Variants in EPS8 observed in about 807,000 individuals in gnomAD.
EPS8 encodes the protein EGFR pathway substrate 8, signaling adaptor.
In EPS8, 42 loss-of-function variants were observed where a neutral mutation model predicts 103.8. The observed-to-expected ratio is 0.40, with a 90% CI of 0.32 to 0.52. The LOEUF (loss-of-function observed/expected upper bound fraction) is 0.52. Among genes scored for constraint, EPS8 ranks in the 20% least tolerant of loss-of-function variants. EPS8 has a pLI of 0.40. For missense variants in EPS8, 969 were observed against 1,005.1 expected, an observed-to-expected ratio of 0.96 and a Z score of 0.49; for synonymous variants, 344 against 344.6, an observed-to-expected ratio of 1.00 and a Z score of 0.02.
At chr12:15,673,302 G>A (rs1395051408) in intron 3 of EPS8, among the ~76,000 whole-genome samples, 1 of 151,676 alleles carries the variant, frequency 6.6e-6, no homozygotes, top group Non-Finnish European at 1.5e-5. Context: ...ATGTATAAAT[G>A]CCATAAATGG....
intron 1 of EPS8, among the ~76,000 whole-genome samples, chr12:15,715,548 C>T (rs1260332788): frequency 6.6e-6 from 1 of 151,946 alleles, no homozygotes; most frequent in African/African-American, 2.4e-5. Context: ...CTACGCCTGG[C>T]TAATTTTTTG....
At position 15,713,003 on chromosome 12, in the gene EPS8, A is replaced by G. The variant is rs1188394417; in HGVS notation, c.-21-30031T>C. On this transcript the variant is annotated intron_variant, in intron 1 of 20. Transcript: ENST00000281172. The surrounding 1 kb of genome is among the most constrained non-coding windows in gnomAD (Gnocchi z 4.8). ...TCAGTTTCGGCATTGTACTGTACCA[A>G]ACAAAATTTCTGATTTGGTTTCTCT... The G allele has an allele frequency of 5.9e-5, 58 of 985,142 alleles. No individual in the cohort carries two copies. The highest frequency in any genetic ancestry group is 7.0e-5 in the Non-Finnish European group (58 of 829,792). 61.0% of individuals were successfully genotyped at this position (985,142 alleles called of 1,614,324 possible).
chr12:15,703,854 T>C, intron 1 of EPS8, among the ~76,000 whole-genome samples: 1 of 145,162 alleles, frequency 6.9e-6, no homozygotes, highest in South Asian at 2.2e-4. Flanking sequence ...TTTGTTTTTT[T>C]TTTTTTTTTT....
Position 15,734,262 on chromosome 12 carries a change from C to T in EPS8, c.-21-51290G>A, listed in dbSNP as rs1946745736. Reference sequence around the variant, plus strand: ...TAATCAGTTTAGTTTTGTTTTCTCTCCTCCTCAGCTGCTTCCTCCTCTTCC... The same window carrying T: ...TAATCAGTTTAGTTTTGTTTTCTCTTCTCCTCAGCTGCTTCCTCCTCTTCC... On this transcript the variant is annotated intron_variant, in intron 1 of 20. Coordinates refer to ENST00000281172, the MANE Select transcript of EPS8 (RefSeq NM_004447.6). The surrounding 1 kb of genome is among the most constrained non-coding windows in gnomAD (Gnocchi z 4.1). Among the ~76,000 whole-genome samples, 2 of 152,200 alleles carry T rather than the reference C, an allele frequency of 1.3e-5. No homozygotes were observed. The highest frequency in any genetic ancestry group is 4.8e-5 in the African/African-American group (2 of 41,452).
rs577719094 is a variant in EPS8 at position 15,745,027 on chromosome 12, C to T, written c.-22+44134G>A. Among the ~76,000 whole-genome samples, 2 of 152,190 alleles carry T rather than the reference C, an allele frequency of 1.3e-5. No individual in the cohort carries two copies. Among genetic ancestry groups the T allele is most frequent in the African/African-American group, 2.4e-5 (1 of 41,524 alleles). ...TACTGGCATGTGCCACCACGCCCAG[C>T]TAATTTTTGTATTTTTAGTAGAGAT... On this transcript the variant is annotated intron_variant, in intron 1 of 20. Coordinates refer to ENST00000281172, the MANE Select transcript of EPS8 (RefSeq NM_004447.6). The surrounding 1 kb of genome is among the most constrained non-coding windows in gnomAD (Gnocchi z 4.6).
intron 8 of EPS8, 166 bp downstream of exon 8, chr12:15,665,590 C>T: frequency 1.3e-6 from 1 of 753,932 alleles, no homozygotes; most frequent in Non-Finnish European, 2.2e-6. Context: ...CTCGGCCTCC[C>T]AAAGCACTGG....
rs1359075463 is a variant in EPS8 at position 15,751,818 on chromosome 12, G to A, written c.-22+37343C>T. Among the ~76,000 whole-genome samples the A allele has an allele frequency of 4.0e-5, 6 of 151,844 alleles. No individual in the cohort carries two copies. Among genetic ancestry groups the A allele is most frequent in the Non-Finnish European group, 8.8e-5 (6 of 68,016 alleles). ...CCATAGCTCAGACAACATGTTAGAC[G>A]TTAACTAGACTTCTGATGAAGTCTC... On this transcript the variant is annotated intron_variant, in intron 1 of 20. Transcript: ENST00000281172. The surrounding 1 kb of genome is among the most constrained non-coding windows in gnomAD (Gnocchi z 4.3).
Position 15,693,630 on chromosome 12 carries a change from T to G in EPS8, c.-21-10658A>C, listed in dbSNP as rs1946203440. ...GAGTCCCTTTGTCTCACTGGCTTTC[T>G]GCATTTAAAAATCCCTTTACTGTTA... is the stretch of plus-strand genomic sequence containing the variant. On this transcript the variant is annotated intron_variant, in intron 1 of 20. Coordinates refer to ENST00000281172, the MANE Select transcript of EPS8 (RefSeq NM_004447.6). The surrounding 1 kb of genome is among the most constrained non-coding windows in gnomAD (Gnocchi z 5.6). Among the ~76,000 whole-genome samples, 1 of 152,352 alleles carries G rather than the reference T, an allele frequency of 6.6e-6. No individual in the cohort carries two copies. The highest frequency in any genetic ancestry group is 6.5e-5 in the Admixed American group (1 of 15,300).
At chr12:15,640,597 A>C (rs1945211616) in intron 17 of EPS8, 106 bp downstream of exon 17, 1 of 988,018 alleles carries the variant, frequency 1.0e-6, no homozygotes, top group Non-Finnish European at 1.5e-6. Flanking sequence ...ATATATAACC[A>C]ACTACATCTC....
At position 15,702,364 on chromosome 12, in the gene EPS8, C is replaced by A. The variant is rs577369163; in HGVS notation, c.-21-19392G>T. Among the ~76,000 whole-genome samples, 17 of 152,270 alleles carry A rather than the reference C, an allele frequency of 1.1e-4. No individual in the cohort carries two copies. The highest frequency in any genetic ancestry group is 1.1e-3 in the Admixed American group (17 of 15,294). The stretch of plus-strand genomic sequence containing the variant: ...AAAATTCTAGCACTGGAAATTAATT[C>A]ATTCTTTTGAGTTAAGCATTTTCAT... On this transcript the variant is annotated intron_variant, in intron 1 of 20. Coordinates refer to ENST00000281172, the MANE Select transcript of EPS8 (RefSeq NM_004447.6). The surrounding 1 kb of genome is among the most constrained non-coding windows in gnomAD (Gnocchi z 5.1).
chr12:15,654,138 T>C lies in EPS8; in HGVS notation c.1250+7A>G. On this transcript the variant is annotated splice_region_variant and intron_variant, in intron 13 of 20. Coordinates refer to ENST00000281172, the MANE Select transcript of EPS8 (RefSeq NM_004447.6). ...TACTTAAGGCATTATAGGTGGTAAA[T>C]GCTTACCTGGCTTTCATCCAAGTTC... 2 of 1,613,114 alleles carry C rather than the reference T, an allele frequency of 1.2e-6. No homozygotes were observed. The highest frequency in any genetic ancestry group is 1.7e-6 in the Non-Finnish European group (2 of 1,179,244).
intron 18 of EPS8, among the ~76,000 whole-genome samples, chr12:15,630,169 ATCTC>A (rs139888217): frequency 6.1e-5 from 9 of 146,914 alleles, no homozygotes; most frequent in Admixed American, 2.8e-4. Context: ...ATAGATATCC[ATCTC>A]TCTCTCTCTG....
chr12:15,642,373 G>A (rs1338363845), intron 15 of EPS8, among the ~76,000 whole-genome samples: 1 of 151,966 alleles, frequency 6.6e-6, no homozygotes, highest in African/African-American at 2.4e-5. Flanking sequence ...AAAGAGATAT[G>A]CATTAAGTAT....
At position 15,717,156 on chromosome 12, in the gene EPS8, TCTAA is replaced by T. The variant is rs1258888314; in HGVS notation, c.-21-34188_-21-34185del. Among the ~76,000 whole-genome samples the T allele has an allele frequency of 6.6e-6, 1 of 152,178 alleles. No homozygotes were observed. Among genetic ancestry groups the T allele is most frequent in the Non-Finnish European group, 1.5e-5 (1 of 68,040 alleles). The stretch of plus-strand genomic sequence containing the variant: ...ATGACTTATCTTTGGGAGAATCATA[TCTAA>T]CTACAATTATAGTCATGCAAAAGGA... On this transcript the variant is annotated intron_variant, in intron 1 of 20. Transcript: ENST00000281172. This position sits in a 1 kb window ranked among gnomAD's most constrained non-coding sequence, Gnocchi z 4.3.
At chr12:15,687,441 T>C (rs1946111327) in intron 1 of EPS8, among the ~76,000 whole-genome samples, 2 of 152,146 alleles carry the variant, frequency 1.3e-5, no homozygotes, top group Non-Finnish European at 2.9e-5. Flanking sequence ...TTTTATGCCT[T>C]TAAGTCAACA....
chr12:15,665,872 G>A lies in EPS8; in HGVS notation c.620C>T (p.Pro207Leu). 1 of 1,613,904 alleles carries A rather than the reference G, an allele frequency of 6.2e-7. No homozygotes were observed. Among genetic ancestry groups the A allele is most frequent in the Admixed American group, 1.7e-5 (1 of 59,980 alleles). Residue 207 changes from proline (P) to leucine (L), a missense_variant, in exon 8 of 21, where the codon CCT becomes CTT. Pro to Leu is a moderately conservative substitution (Grantham distance 98). Coordinates refer to ENST00000281172, the MANE Select transcript of EPS8 (RefSeq NM_004447.6). ...AGCTCTGGGTGGAGGCGGTATACTAGGGTCTGCATTGGAAATCATCCTTAA... is the reference window on the plus strand; with the variant it reads ...AGCTCTGGGTGGAGGCGGTATACTAAGGTCTGCATTGGAAATCATCCTTAA... ...DALRMISNAD[P>L]SIPPPPRAPA...
At position 15,780,973 on chromosome 12, in the gene EPS8, T is replaced by C. The variant is rs1467762226; in HGVS notation, c.-22+8188A>G. On this transcript the variant is annotated intron_variant, in intron 1 of 20. Transcript: ENST00000281172. This position sits in a 1 kb window ranked among gnomAD's most constrained non-coding sequence, Gnocchi z 4.1. ...GTCATATGGCTGACACATATGGTCA[T>C]ATGTTGGCCTTAAATACATCAGGGA... 6.6e-6 allele frequency among the ~76,000 whole-genome samples: 1 copy of C among 152,230 alleles called. No individual in the cohort carries two copies. Among genetic ancestry groups the C allele is most frequent in the Non-Finnish European group, 1.5e-5 (1 of 68,046 alleles).
At position 15,654,194 on chromosome 12, in the gene EPS8, C is replaced by T; in HGVS notation, c.1201G>A (p.Asp401Asn). The part of the protein sequence containing the change: ...IDFLNYTVNG[D>N]ERQLWMSLGG... ...AATGACATCCACAGCTGCCGTTCAT[C>T]ACCATTGACAGTATAATTTAAGAAA... The change falls in exon 13 of 21, where the codon GAT (aspartate) becomes AAT (asparagine). Residue 401 changes from aspartate (D) to asparagine (N), a missense_variant. Physicochemically the swap from Asp to Asn is conservative, Grantham distance 23. Coordinates refer to ENST00000281172, the MANE Select transcript of EPS8 (RefSeq NM_004447.6). The T allele has an allele frequency of 3.7e-6, 6 of 1,613,856 alleles. No individual in the cohort carries two copies. The highest frequency in any genetic ancestry group is 1.7e-5 in the Admixed American group (1 of 59,988).
intron 1 of EPS8, among the ~76,000 whole-genome samples, chr12:15,755,025 C>G (rs1946971408): frequency 6.6e-6 from 1 of 152,312 alleles, no homozygotes; most frequent in South Asian, 2.1e-4. Context: ...TGTGCGCATA[C>G]CCAGAATGCT....
Sources: allele counts gnomAD v4.1 joint callset (sites outside exome capture counted in the v4.1 genomes callset), GRCh38; gene constraint gnomAD v4.1.1; non-coding constraint Gnocchi (gnomAD v3.1); transcripts MANE v1.5; gene names NCBI Gene and HGNC (gene_info 2026-07-23, HGNC 2026-07-21).